The following SLC25A18 variants were observed in gnomAD, a reference collection of about 807,000 sequenced individuals.
SLC25A18 encodes the protein solute carrier family 25 member 18.
Under a neutral mutation model 31.1 loss-of-function variants are expected in SLC25A18, and 24 were observed. That is an observed-to-expected ratio of 0.77 (90% CI 0.56 to 1.08). The LOEUF is 1.08. Ranked by LOEUF, SLC25A18 falls within the 50% of genes least tolerant of loss-of-function variation. The pLI is 0.00. For synonymous variants in SLC25A18, 173 were observed against 161.9 expected (o/e 1.07, Z -0.52); for missense variants, 371 against 418.5 (o/e 0.89, Z 0.99).
At chr22:17,564,676 G>C (rs1008481070) in intron 1 of SLC25A18, among the ~76,000 whole-genome samples, 9 of 151,926 alleles carry the variant, frequency 5.9e-5, no homozygotes, top group African/African-American at 2.2e-4. Flanking sequence ...CCTGGCTAAC[G>C]TGAAACCCCA....
In SLC25A18 at chr22:17,590,627, A is replaced by ATTGT. The variant is rs764805727; in HGVS notation, c.*393_*396dup. On this transcript the variant is annotated 3_prime_UTR_variant, in exon 11 of 11. Coordinates refer to ENST00000327451, the MANE Select transcript of SLC25A18 (RefSeq NM_031481.3). ...TCTTCAGTCAGCTTGAGGATTTAGCATTGTTAATCTTGGACTCCATAACTT... is the reference window on the plus strand; with the variant it reads ...TCTTCAGTCAGCTTGAGGATTTAGCATTGTTTGTTAATCTTGGACTCCATAACTT... 9 of 181,556 alleles carry ATTGT rather than the reference A, an allele frequency of 5.0e-5. No homozygotes were observed. The highest frequency in any genetic ancestry group is 8.3e-5 in the Non-Finnish European group (7 of 84,820). 11.2% of individuals were successfully genotyped at this position (181,556 alleles called of 1,614,324 possible).
At chr22:17,571,758 GAA>G (rs796501629) in intron 2 of SLC25A18, among the ~76,000 whole-genome samples, 2 of 91,586 alleles carry the variant, frequency 2.2e-5, no homozygotes, top group African/African-American at 3.8e-5. Flanking sequence ...GTCTCAAAAA[GAA>G]AAAAAAAAAA....
intron 6 of SLC25A18, 118 bp downstream of exon 6, chr22:17,582,771 C>T: frequency 3.5e-6 from 3 of 863,930 alleles, no homozygotes; most frequent in Non-Finnish European, 5.5e-6. Flanking sequence ...AATATGTGCA[C>T]ACATGGCTGA....
At chr22:17,569,733 T>G (rs940584613) in intron 1 of SLC25A18, 191 bp from the exon 2 acceptor site, 2 of 985,126 alleles carry the variant, frequency 2.0e-6, no homozygotes, top group Non-Finnish European at 2.4e-6. Flanking sequence ...CCTGGGGAGG[T>G]GCAGCGTGGC....
At chr22:17,577,129 TCTC>T (rs780966835) in intron 2 of SLC25A18, among the ~76,000 whole-genome samples, 1 of 152,186 alleles carries the variant, frequency 6.6e-6, no homozygotes, top group Middle Eastern at 3.4e-3. Flanking sequence ...TTCACGCCAT[TCTC>T]CTACCTCAGA....
intron 2 of SLC25A18, among the ~76,000 whole-genome samples, chr22:17,573,289 G>T (rs1325245960): frequency 6.6e-6 from 1 of 152,130 alleles, no homozygotes; most frequent in Non-Finnish European, 1.5e-5. Context: ...ATTCAGGCAG[G>T]GGTGGCCGGA....
At chr22:17,572,635 A>AC (rs1401342454) in intron 2 of SLC25A18, among the ~76,000 whole-genome samples, 1 of 88,256 alleles carries the variant, frequency 1.1e-5, no homozygotes, top group African/African-American at 5.7e-5. Flanking sequence ...CTCTACAAAT[A>AC]AATTTTTTTT....
In SLC25A18 at chr22:17,581,392, G is replaced by A. The variant is rs376317627; in HGVS notation, c.178G>A (p.Gly60Ser). 9.3e-6 allele frequency: 15 copies of A among 1,613,976 alleles called. No individual in the cohort carries two copies. The highest frequency in any genetic ancestry group is 2.7e-5 in the African/African-American group (2 of 74,912). ...CCTGATGAAGACGGCTCGGGCGGAG[G>A]GCTTCTTCGGCATGTACCGAGGTGG... ...DCLMKTARAE[G>S]FFGMYRGAAV... is the part of the protein sequence containing the mutation. The change falls in exon 5 of 11, where the codon GGC (glycine) becomes AGC (serine). Residue 60 changes from glycine (G) to serine (S), a missense_variant. Gly to Ser is a moderately conservative substitution (Grantham distance 56). Transcript: ENST00000327451.
intron 1 of SLC25A18, 75 bp from the exon 2 acceptor site, chr22:17,569,849 A>G (rs2057041265): frequency 6.1e-6 from 6 of 985,494 alleles, no homozygotes; most frequent in Non-Finnish European, 7.2e-6. Context: ...AGGGGGAGGC[A>G]GAGGGAGGGA....
At chr22:17,580,832 G>T in intron 3 of SLC25A18, 1 of 1,311,534 alleles carries the variant, frequency 7.6e-7, no homozygotes, top group Non-Finnish European at 9.7e-7. Flanking sequence ...GGGACTTCCC[G>T]GGTTGCAGCA....
At chr22:17,571,086 G>A (rs916175040) in intron 2 of SLC25A18, among the ~76,000 whole-genome samples, 3 of 152,212 alleles carry the variant, frequency 2.0e-5, no homozygotes, top group Non-Finnish European at 4.4e-5. Context: ...TTGAAAGCAG[G>A]GGGTGAGGGA....
Position 17,565,273 on chromosome 22 carries a change from G to T in SLC25A18, c.-264+1560G>T, listed in dbSNP as rs538124702. Among the ~76,000 whole-genome samples the T allele has an allele frequency of 1.3e-4, 20 of 152,080 alleles. No homozygotes were observed. In the South Asian group the frequency reaches 4.0e-3, roughly 30 times the overall value. On this transcript the variant is annotated intron_variant, in intron 1 of 10. Transcript: ENST00000327451. Reference sequence around the variant, plus strand: ...TTTTTTGTATTTTTTAGTAGAGACGGGGTTTTGCCATGTTGGCCAGGATGG... The same window carrying T: ...TTTTTTGTATTTTTTAGTAGAGACGTGGTTTTGCCATGTTGGCCAGGATGG...
chr22:17,587,280 G>C lies in SLC25A18; in HGVS notation c.554G>C (p.Gly185Ala). The change falls in exon 8 of 11, where the codon GGC becomes GCC. Residue 185 changes from glycine (G) to alanine (A), a missense_variant. Transcript: ENST00000327451. ...RTQGLAGLYRGLGATLLRDIP... is the reference protein window; with the variant it reads ...RTQGLAGLYRALGATLLRDIP... ...CAGGGCCTGGCTGGGCTCTACAGGG[G>C]CCTGGGTGCCACTCTCCTCAGGTGA... 1 of 1,612,754 alleles carries C rather than the reference G, an allele frequency of 6.2e-7. No individual in the cohort carries two copies. Among genetic ancestry groups the C allele is most frequent in the Non-Finnish European group, 8.5e-7 (1 of 1,179,752 alleles).
chr22:17,582,455 A>G (rs1210588285), intron 5 of SLC25A18, 108 bp from the exon 6 acceptor site: 1 of 831,018 alleles, frequency 1.2e-6, no homozygotes, highest in Non-Finnish European at 1.8e-6. Flanking sequence ...ACCTGGCCCC[A>G]AAAATGCCCT....
chr22:17,572,208 G>A (rs2057107721), intron 2 of SLC25A18, among the ~76,000 whole-genome samples: 1 of 151,460 alleles, frequency 6.6e-6, no homozygotes, highest in South Asian at 2.1e-4. Context: ...AATCGGCTGG[G>A]CACAGTGGCT....
intron 2 of SLC25A18, among the ~76,000 whole-genome samples, chr22:17,571,551 A>G (rs1057018449): frequency 7.2e-5 from 11 of 152,102 alleles, no homozygotes; most frequent in African/African-American, 2.7e-4. Flanking sequence ...ATGTGGGCAG[A>G]TCACTTGAGG....
intron 9 of SLC25A18, chr22:17,589,297 C>T (rs1012723528): frequency 6.8e-5 from 20 of 293,880 alleles, no homozygotes; most frequent in Non-Finnish European, 1.0e-4. Flanking sequence ...TCTCCTGCCC[C>T]AGCCTCATGA....
rs2057603502 is a variant in SLC25A18 at position 17,588,035 on chromosome 22, G to A, written c.686G>A (p.Cys229Tyr). 6.2e-7 allele frequency: 1 copy of A among 1,614,104 alleles called. No individual in the cohort carries two copies. Among genetic ancestry groups the A allele is most frequent in the African/African-American group, 1.3e-5 (1 of 74,940 alleles). The change falls in exon 9 of 11, where the codon TGT becomes TAT. Residue 229 changes from cysteine (C) to tyrosine (Y), a missense_variant. By Grantham distance (194) the Cys-to-Tyr change is radical. Transcript: ENST00000327451. ...ASFAHSFVSGCVAGSIAAVAV... is the reference protein window; with the variant it reads ...ASFAHSFVSGYVAGSIAAVAV... ...TTTGCACATTCCTTCGTGTCAGGCT[G>A]TGTGGCAGGTTCCATAGCTGCGGTC... is the stretch of plus-strand genomic sequence containing the variant.
rs2057043499 is a variant in SLC25A18, at chr22:17,569,941, C to A, written c.-246C>A. On this transcript the variant is annotated 5_prime_UTR_variant, in exon 2 of 11. Coordinates refer to ENST00000327451, the MANE Select transcript of SLC25A18 (RefSeq NM_031481.3). ...CCCTGCAGCTCAGCAGCGATCTGAA[C>A]TATATCCTGGGTTCCAGAAAAGGCA... 3.0e-6 allele frequency: 3 copies of A among 985,376 alleles called. No individual in the cohort carries two copies. Among genetic ancestry groups the A allele is most frequent in the East Asian group, 2.3e-4 (2 of 8,828 alleles). The allele number at this position is 985,376 out of a possible 1,614,324, so 61.0% of individuals were successfully genotyped here.
Sources: gnomAD v4.1 joint callset for allele counts (sites outside exome capture counted in the v4.1 genomes callset) on GRCh38, gnomAD v4.1.1 for gene constraint, MANE v1.5 for transcripts, NCBI Gene and HGNC (gene_info 2026-07-23, HGNC 2026-07-21) for gene names.